The following SLC2A14 variants were observed in gnomAD, a reference collection of about 807,000 sequenced individuals.
SLC2A14 encodes solute carrier family 2, facilitated glucose transporter member 14.
Under a neutral mutation model 43.0 loss-of-function variants are expected in SLC2A14, and 13 were observed. The observed-to-expected ratio is 0.30, with a 90% CI of 0.20 to 0.48. The LOEUF is 0.48. Ranked by LOEUF, SLC2A14 falls within the 20% of genes least tolerant of loss-of-function variation. The probability of loss-of-function intolerance (pLI) is 0.99; values close to 1 mark genes in which losing one functional copy is unlikely to be tolerated. For missense variants in SLC2A14, 428 were observed against 620.4 expected (o/e 0.69, Z 3.29); for synonymous variants, 190 against 233.8 (o/e 0.81, Z 1.71).
rs767370764 is a variant in SLC2A14 at position 7,827,633 on chromosome 12, C to T, written c.726G>A (p.Glu242=). The T allele has an allele frequency of 3.1e-6, 5 of 1,613,118 alleles. No homozygotes were observed. In the South Asian group the frequency reaches 5.5e-5, roughly 18 times the overall value. The part of the protein sequence containing the change: ...GTQDVSQDIQ[E]MKDESARMSQ... The stretch of plus-strand genomic sequence containing the variant: ...ACATCCTTGCACTCTCATCTTTCAT[C>T]TCCTGGATGTCTTGGGATACATCCT... The change falls in exon 7 of 11, where the codon GAG becomes GAA. Residue 242 remains glutamate, a synonymous_variant. Coordinates refer to ENST00000431042, the MANE Select transcript of SLC2A14 (RefSeq NM_001286234.2).
chr12:7,824,115 G>C (rs1178193743), intron 7 of SLC2A14, among the ~76,000 whole-genome samples: 1 of 151,962 alleles, frequency 6.6e-6, no homozygotes, highest in African/African-American at 2.4e-5. Flanking sequence ...AATCAGCCGG[G>C]TGTGGTGGCA....
At chr12:7,838,813 C>T (rs1407947633) in intron 2 of SLC2A14, among the ~76,000 whole-genome samples, 1 of 152,184 alleles carries the variant, frequency 6.6e-6, no homozygotes, top group African/African-American at 2.4e-5. Context: ...CCCCTAGTAA[C>T]TTAGAATGGA....
intron 2 of SLC2A14, among the ~76,000 whole-genome samples, chr12:7,846,293 T>C (rs1019943645): frequency 6.6e-6 from 1 of 151,924 alleles, no homozygotes; most frequent in East Asian, 1.9e-4. Context: ...ACCAATTTTA[T>C]TTACAGATAT....
intron 7 of SLC2A14, among the ~76,000 whole-genome samples, chr12:7,825,413 T>C (rs1319519122): frequency 1.7e-4 from 25 of 144,816 alleles, no homozygotes; most frequent in African/African-American, 4.1e-4. Context: ...TGAGCTGATA[T>C]TGCGCTACTG....
In SLC2A14 at chr12:7,830,340, AT is replaced by A. The variant is rs759238008; in HGVS notation, c.273-335del. Reference sequence around the variant, plus strand: ...CTAATTTTTTTGTATTTTAGTAGAGATGGGGTTTCACCATCTTGACCAGGCT... The same window carrying A: ...CTAATTTTTTTGTATTTTAGTAGAGAGGGGTTTCACCATCTTGACCAGGCT... On this transcript the variant is annotated intron_variant, in intron 4 of 10. Transcript: ENST00000431042. Among the ~76,000 whole-genome samples, 178 of 152,174 alleles carry A rather than the reference AT, an allele frequency of 1.2e-3. 1 individual carries two copies. The highest frequency in any genetic ancestry group is 2.0e-3 in the Non-Finnish European group (139 of 67,998).
chr12:7,859,629 T>C (rs1944436666), intron 2 of SLC2A14, among the ~76,000 whole-genome samples: 1 of 151,946 alleles, frequency 6.6e-6, no homozygotes, highest in African/African-American at 2.4e-5. Context: ...CTGATGACAG[T>C]AGGAATGGTG....
chr12:7,822,782 A>ATCC, intron 7 of SLC2A14, among the ~76,000 whole-genome samples: 1 of 152,102 alleles, frequency 6.6e-6, no homozygotes, highest in South Asian at 2.1e-4. Flanking sequence ...TCTCCAAGTG[A>ATCC]TCCTCCTGCC....
At position 7,817,854 on chromosome 12, in the gene SLC2A14, C is replaced by A. The variant is rs1369169484; in HGVS notation, c.1252G>T (p.Gly418Ter). 8 of 1,613,788 alleles carry A rather than the reference C, an allele frequency of 5.0e-6. No individual in the cohort carries two copies. Among genetic ancestry groups the A allele is most frequent in the Non-Finnish European group, 5.1e-6 (6 of 1,179,916 alleles). The change falls in exon 10 of 11, where the codon GGA becomes TGA. Residue 418 changes from glycine to a stop codon, truncating the protein, a stop_gained. Coordinates refer to ENST00000431042, the MANE Select transcript of SLC2A14 (RefSeq NM_001286234.2). LOFTEE classifies it low-confidence loss of function (END_TRUNC). ...CSNWTSNFLV[G>*]LLFPSAAYYL... ...ACAGCAGCAGAGGGGAAGAGCAATC[C>A]GACTAGGAAGTTGGAGGTCCAGTTG...
At chr12:7,855,852 G>A (rs924920619) in intron 2 of SLC2A14, among the ~76,000 whole-genome samples, 3 of 151,232 alleles carry the variant, frequency 2.0e-5, no homozygotes, top group Non-Finnish European at 3.0e-5. Flanking sequence ...AGCCAGGATG[G>A]TCTTGATCTC....
chr12:7,830,065 C>G (rs747021329), intron 4 of SLC2A14, 59 bp from the exon 5 acceptor site: 4 of 1,598,544 alleles, frequency 2.5e-6, no homozygotes, highest in South Asian at 2.2e-5. Flanking sequence ...CTAACTTCTC[C>G]TCTTCTGTAC....
At chr12:7,876,810 G>C (rs1438378040), upstream of SLC2A14, among the ~76,000 whole-genome samples, 1 of 151,894 alleles carries the variant, frequency 6.6e-6, no homozygotes, top group African/African-American at 2.4e-5. Context: ...AAAAAAATTA[G>C]GCGAGTATGG....
intron 2 of SLC2A14, among the ~76,000 whole-genome samples, chr12:7,860,206 T>C (rs1221088018): frequency 6.6e-6 from 1 of 152,134 alleles, no homozygotes; most frequent in Non-Finnish European, 1.5e-5. Flanking sequence ...GTGAGATCAG[T>C]GGCTTGTGGA....
intron 2 of SLC2A14, among the ~76,000 whole-genome samples, chr12:7,865,880 T>G (rs1355500488): frequency 1.3e-5 from 2 of 151,870 alleles, no homozygotes; most frequent in African/African-American, 4.8e-5. Context: ...CAAGGAAAAG[T>G]TCTTGAGGAA....
chr12:7,867,031 G>A (rs1944949117), intron 2 of SLC2A14, among the ~76,000 whole-genome samples: 1 of 150,202 alleles, frequency 6.7e-6, no homozygotes, highest in African/African-American at 2.4e-5. Context: ...TGTAATCCCA[G>A]CACTTTGGGA....
chr12:7,848,791 G>A (rs1412053800), intron 2 of SLC2A14, among the ~76,000 whole-genome samples: 1 of 151,770 alleles, frequency 6.6e-6, no homozygotes, highest in Non-Finnish European at 1.5e-5. Context: ...CCTGACCTCA[G>A]GTGATCCACC....
chr12:7,867,141 T>C (rs1302460887), intron 2 of SLC2A14, among the ~76,000 whole-genome samples: 2 of 151,492 alleles, frequency 1.3e-5, no homozygotes, highest in South Asian at 4.2e-4. Flanking sequence ...TAGCCGGGCG[T>C]GGTGGCGGGG....
rs1449034299 is a variant in SLC2A14, at chr12:7,813,518, TAAA to T, written c.*795_*797del. On this transcript the variant is annotated 3_prime_UTR_variant, in exon 11 of 11. Transcript: ENST00000431042. Reference sequence around the variant, plus strand: ...TACTACTACATGTAAACTATTATCTTAAAGATAAAGTTCCAAAGGAAATGAGTA... The same window carrying T: ...TACTACTACATGTAAACTATTATCTTGATAAAGTTCCAAAGGAAATGAGTA... 1 of 152,186 alleles carries T rather than the reference TAAA, an allele frequency of 6.6e-6. No individual in the cohort carries two copies. Among genetic ancestry groups the T allele is most frequent in the African/African-American group, 2.4e-5 (1 of 41,450 alleles). 9.4% of individuals were successfully genotyped at this position (152,186 alleles called of 1,614,324 possible).
chr12:7,888,182 T>C (rs1945717586), intron 1 of SLC2A14, among the ~76,000 whole-genome samples: 1 of 152,106 alleles, frequency 6.6e-6, no homozygotes, highest in South Asian at 2.1e-4. Context: ...GATTCTTCAT[T>C]ATAGCACTTA....
Position 7,817,853 on chromosome 12 carries a change from C to A in SLC2A14, c.1253G>T (p.Gly418Val). The change falls in exon 10 of 11, where the codon GGA becomes GTA. Residue 418 changes from glycine (G) to valine (V), a missense_variant. Around this residue, in one of 4 missense-constraint regions of SLC2A14, gnomAD observed 119 missense variants for 188.7 expected, o/e 0.63. Transcript: ENST00000431042. ...CSNWTSNFLV[G>V]LLFPSAAYYL... ...TACAGCAGCAGAGGGGAAGAGCAATCCGACTAGGAAGTTGGAGGTCCAGTT... is the reference window on the plus strand; with the variant it reads ...TACAGCAGCAGAGGGGAAGAGCAATACGACTAGGAAGTTGGAGGTCCAGTT... The A allele has an allele frequency of 6.2e-7, 1 of 1,614,024 alleles. No homozygotes were observed. The highest frequency in any genetic ancestry group is 8.5e-7 in the Non-Finnish European group (1 of 1,179,942).
Sources: gnomAD v4.1 joint callset for allele counts (sites outside exome capture counted in the v4.1 genomes callset) on GRCh38, gnomAD v4.1.1 for gene constraint, gnomAD v4.1.1 regional missense constraint, MANE v1.5 for transcripts, NCBI Gene and HGNC (gene_info 2026-07-23, HGNC 2026-07-21) for gene names.